The following ERVFRD-1 variants were observed in gnomAD, a reference collection of about 807,000 sequenced individuals.
The protein encoded by ERVFRD-1 is endogenous retrovirus group FRD member 1, envelope.
Under a neutral mutation model 43.8 loss-of-function variants are expected in ERVFRD-1, and 33 were observed. That is an observed-to-expected ratio of 0.75 (90% confidence interval 0.57 to 1.01). ERVFRD-1 has a LOEUF of 1.01. Ranked by LOEUF, ERVFRD-1 falls within the 50% of genes least tolerant of loss-of-function variation. The pLI is 0.00. For synonymous variants in ERVFRD-1, 239 were observed against 244.4 expected, an observed-to-expected ratio of 0.98 and a Z score of 0.21; for missense variants, 568 against 658.4, an observed-to-expected ratio of 0.86 and a Z score of 1.50.
Position 11,104,546 on chromosome 6 carries a change from T to G in ERVFRD-1, c.765A>C (p.Gln255His). ...TGGCTATAGTCATGCCTGCTAAGAC[T>G]TGGACGCAGGGTGTTTGGCTCTGGT... is the stretch of plus-strand genomic sequence containing the variant. Reference protein sequence around the residue: ...GANQSQTPCVQVLAGMTIATS... With the variant: ...GANQSQTPCVHVLAGMTIATS... The change falls in exon 2 of 2, where the codon CAA (glutamine) becomes CAC (histidine). Residue 255 changes from glutamine to histidine, a missense_variant. Gln to His is a conservative substitution (Grantham distance 24, BLOSUM62 0). Coordinates refer to ENST00000472091, the MANE Select transcript of ERVFRD-1 (RefSeq NM_207582.3). The G allele has an allele frequency of 6.3e-7, 1 of 1,591,206 alleles. No individual in the cohort carries two copies. Among genetic ancestry groups the G allele is most frequent in the South Asian group, 1.1e-5 (1 of 88,742 alleles).
At chr6:11,107,587 A>G (rs1758105309) in intron 1 of ERVFRD-1, among the ~76,000 whole-genome samples, 1 of 152,188 alleles carries the variant, frequency 6.6e-6, no homozygotes, top group African/African-American at 2.4e-5. Context: ...GCAAATAGAA[A>G]TTGGGAGGAT....
At chr6:11,106,348 C>G (rs1028763660) in intron 1 of ERVFRD-1, among the ~76,000 whole-genome samples, 12 of 152,192 alleles carry the variant, frequency 7.9e-5, no homozygotes, top group African/African-American at 2.7e-4. Flanking sequence ...TGTACCTCTC[C>G]TTTGGATTGG....
At chr6:11,106,580 A>G (rs1488332805) in intron 1 of ERVFRD-1, among the ~76,000 whole-genome samples, 4 of 152,200 alleles carry the variant, frequency 2.6e-5, no homozygotes, top group Non-Finnish European at 5.9e-5. Flanking sequence ...CCCAACCTAT[A>G]TCATCCATTG....
intron 1 of ERVFRD-1, among the ~76,000 whole-genome samples, chr6:11,111,395 C>A (rs887214703): frequency 5.9e-5 from 9 of 152,276 alleles, no homozygotes; most frequent in Admixed American, 5.2e-4. Flanking sequence ...CCAGATACTA[C>A]ATGGTTGTAG....
At chr6:11,107,443 C>T (rs967795196) in intron 1 of ERVFRD-1, among the ~76,000 whole-genome samples, 1 of 152,216 alleles carries the variant, frequency 6.6e-6, no homozygotes, top group Admixed American at 6.5e-5. Flanking sequence ...GAGACACTCT[C>T]TCCTCTCAAG....
intron 1 of ERVFRD-1, among the ~76,000 whole-genome samples, chr6:11,108,239 T>C (rs938803675): frequency 2.6e-5 from 4 of 152,162 alleles, no homozygotes; most frequent in African/African-American, 9.7e-5. Context: ...AGGAGGATAA[T>C]TGCCTGGGAA....
chr6:11,110,666 A>G (rs1317856781), intron 1 of ERVFRD-1, among the ~76,000 whole-genome samples: 2 of 152,214 alleles, frequency 1.3e-5, no homozygotes, highest in Non-Finnish European at 2.9e-5. Flanking sequence ...TCCCTCTGCT[A>G]CAGGAGAAAG....
intron 1 of ERVFRD-1, among the ~76,000 whole-genome samples, chr6:11,107,608 G>C (rs954652028): frequency 6.6e-6 from 1 of 152,166 alleles, no homozygotes; most frequent in African/African-American, 2.4e-5. Flanking sequence ...GGGTCGAGGG[G>C]GAGATACAAA....
rs1441641458 is a variant in ERVFRD-1, at chr6:11,104,482, C to T, written c.829G>A (p.Gly277Arg). The part of the protein sequence containing the change: ...LGISAVSEFF[G>R]TSLTPLFHFH... Reference sequence around the variant, plus strand: ...TGAAATAAGGGGGTGAGGGAGGTTCCAAAAAATTCTGAGACTGCTGATATG... The same window carrying T: ...TGAAATAAGGGGGTGAGGGAGGTTCTAAAAAATTCTGAGACTGCTGATATG... The change falls in exon 2 of 2, where the codon GGA becomes AGA. Residue 277 changes from glycine to arginine, a missense_variant. By Grantham distance (125) the Gly-to-Arg change is moderately radical (BLOSUM62 -2). Coordinates refer to ENST00000472091, the MANE Select transcript of ERVFRD-1 (RefSeq NM_207582.3). 1.3e-6 allele frequency: 2 copies of T among 1,553,332 alleles called. No homozygotes were observed. The highest frequency in any genetic ancestry group is 2.4e-5 in the East Asian group (1 of 41,006).
rs902586478 is a variant in ERVFRD-1, at chr6:11,103,132, G to C, written c.*562C>G. ...TGAAGTTGTGCACGTGTTCACTGGA[G>C]GAGTTTTTCCCTTACCAGTCAAGCC... On this transcript the variant is annotated 3_prime_UTR_variant, in exon 2 of 2. Coordinates refer to ENST00000472091, the MANE Select transcript of ERVFRD-1 (RefSeq NM_207582.3). 8.5e-5 allele frequency: 13 copies of C among 152,610 alleles called. No individual in the cohort carries two copies. Among genetic ancestry groups the C allele is most frequent in the Admixed American group, 3.9e-4 (6 of 15,302 alleles). The allele number at this position is 152,610 out of a possible 1,614,324, so 9.5% of individuals were successfully genotyped here. A position where few individuals can be genotyped will look rare whatever the true frequency, so the allele number is the denominator to read the frequency against.
chr6:11,109,912 A>T (rs1758143005), intron 1 of ERVFRD-1, among the ~76,000 whole-genome samples: 1 of 152,050 alleles, frequency 6.6e-6, no homozygotes, highest in African/African-American at 2.4e-5. Context: ...CTTTTTCCTG[A>T]ACTTACAGCA....
In ERVFRD-1 at chr6:11,104,134, C is replaced by A; in HGVS notation, c.1177G>T (p.Asp393Tyr). 1 of 1,547,634 alleles carries A rather than the reference C, an allele frequency of 6.5e-7. No individual in the cohort carries two copies. The highest frequency in any genetic ancestry group is 8.7e-7 in the Non-Finnish European group (1 of 1,145,538). ...QLSKEIANNIDTMAKALTTMQ... is the reference protein window; with the variant it reads ...QLSKEIANNIYTMAKALTTMQ... ...GTCGTTAAGGCTTTAGCCATGGTGTCAATGTTGTTGGCTATTTCCTTTGAG... is the reference window on the plus strand; with the variant it reads ...GTCGTTAAGGCTTTAGCCATGGTGTAAATGTTGTTGGCTATTTCCTTTGAG... Residue 393 changes from aspartate to tyrosine, a missense_variant, in exon 2 of 2, where the codon GAC (aspartate) becomes TAC (tyrosine). By Grantham distance (160) the Asp-to-Tyr change is radical. Coordinates refer to ENST00000472091, the MANE Select transcript of ERVFRD-1 (RefSeq NM_207582.3).
intron 1 of ERVFRD-1, among the ~76,000 whole-genome samples, chr6:11,108,831 A>G (rs1758129222): frequency 6.6e-6 from 1 of 152,104 alleles, no homozygotes; most frequent in African/African-American, 2.4e-5. Context: ...CTTTATGAAC[A>G]GTTGTCCTTC....
chr6:11,109,562 G>A (rs1758139224), intron 1 of ERVFRD-1, among the ~76,000 whole-genome samples: 1 of 152,176 alleles, frequency 6.6e-6, no homozygotes, highest in Admixed American at 6.5e-5. Context: ...CCCAACAAAG[G>A]TCAGGGTTGT....
At position 11,104,364 on chromosome 6, in the gene ERVFRD-1, G is replaced by T. The variant is rs1258994219; in HGVS notation, c.947C>A (p.Thr316Asn). The stretch of plus-strand genomic sequence containing the variant: ...TGGGGTTACATAGCCTATGGTACAA[G>T]TTCCAGTCCAGTTACTGGGGAGGCA... ...HQCLPSNWTG[T>N]CTIGYVTPDI... Residue 316 changes from threonine to asparagine, a missense_variant, in exon 2 of 2, where the codon ACT becomes AAT. Transcript: ENST00000472091. 6.4e-7 allele frequency: 1 copy of T among 1,551,592 alleles called. No homozygotes were observed. The highest frequency in any genetic ancestry group is 1.4e-5 in the African/African-American group (1 of 73,050).
chr6:11,104,358 G>A lies in ERVFRD-1; in HGVS notation c.953C>T (p.Thr318Ile), dbSNP rs1758050151. The change falls in exon 2 of 2, where the codon ACC becomes ATC. Residue 318 changes from threonine to isoleucine, a missense_variant. Transcript: ENST00000472091. ...GATGTCTGGGGTTACATAGCCTATG[G>A]TACAAGTTCCAGTCCAGTTACTGGG... The part of the protein sequence containing the change: ...CLPSNWTGTC[T>I]IGYVTPDIFI... 3 of 1,551,588 alleles carry A rather than the reference G, an allele frequency of 1.9e-6. No individual in the cohort carries two copies. The South Asian group carries it at 3.6e-5, about 18-fold the overall frequency.
At position 11,104,658 on chromosome 6, in the gene ERVFRD-1, A is replaced by G. The variant is rs201156872; in HGVS notation, c.653T>C (p.Ile218Thr). 1.2e-6 allele frequency: 2 copies of G among 1,614,084 alleles called. No homozygotes were observed. The highest frequency in any genetic ancestry group is 3.3e-5 in the Admixed American group (2 of 60,000). Residue 218 changes from isoleucine to threonine, a missense_variant, in exon 2 of 2, where the codon ATT becomes ACT. Transcript: ENST00000472091. The stretch of plus-strand genomic sequence containing the variant: ...TTCCGCTGTAGAGCTGAGGTTGGAA[A>G]TTTGCAGACATTGGTTATAATCAGC... ...RPADYNQCLQISNLSSTAEWV... is the reference protein window; with the variant it reads ...RPADYNQCLQTSNLSSTAEWV...
In ERVFRD-1 at chr6:11,104,509, C is replaced by T. The variant is rs1439871564; in HGVS notation, c.802G>A (p.Gly268Ser). Residue 268 changes from glycine (G) to serine (S), a missense_variant, in exon 2 of 2, where the codon GGC (glycine) becomes AGC (serine). Coordinates refer to ENST00000472091, the MANE Select transcript of ERVFRD-1 (RefSeq NM_207582.3). ...AGMTIATSYL[G>S]ISAVSEFFGT... ...AAAAATTCTGAGACTGCTGATATGC[C>T]CAGGTAGCTGGTGGCTATAGTCATG... 1.9e-6 allele frequency: 3 copies of T among 1,561,078 alleles called. No individual in the cohort carries two copies. Among genetic ancestry groups the T allele is most frequent in the Non-Finnish European group, 2.6e-6 (3 of 1,152,048 alleles).
Position 11,105,540 on chromosome 6 carries a change from G to A in ERVFRD-1, c.-230C>T, listed in dbSNP as rs1758073077. 1 of 488,986 alleles carries A rather than the reference G, an allele frequency of 2.0e-6. No homozygotes were observed. Among genetic ancestry groups the A allele is most frequent in the East Asian group, 3.6e-5 (1 of 27,694 alleles). 30.3% of individuals were successfully genotyped at this position (488,986 alleles called of 1,614,324 possible). A position where few individuals can be genotyped will look rare whatever the true frequency, so the allele number is the denominator to read the frequency against. The stretch of plus-strand genomic sequence containing the variant: ...CTTGCAAGTGTATTCCGGAGCTGAG[G>A]TTGCTGGTTCTGGCTCTGGAGTTTA... On this transcript the variant is annotated 5_prime_UTR_variant, in exon 2 of 2. Transcript: ENST00000472091.
Sources: allele counts gnomAD v4.1 joint callset (sites outside exome capture counted in the v4.1 genomes callset), GRCh38; gene constraint gnomAD v4.1.1; transcripts MANE v1.5; gene names NCBI Gene and HGNC (gene_info 2026-07-23, HGNC 2026-07-21).